The following PHKA1 variants were observed in gnomAD, a reference collection of about 807,000 sequenced individuals.
The protein encoded by PHKA1 is phosphorylase kinase regulatory subunit alpha 1.
In PHKA1, 60 loss-of-function variants were observed where a neutral mutation model predicts 110.2. That is an observed-to-expected ratio of 0.54 (90% CI 0.44 to 0.68). The LOEUF (loss-of-function observed/expected upper bound fraction) is 0.68. Among genes scored for constraint, PHKA1 ranks in the 30% least tolerant of loss-of-function variants. The pLI is 0.00. For missense variants in PHKA1, 801 were observed against 942.5 expected (o/e 0.85, Z 1.97); for synonymous variants, 316 against 333.6 (o/e 0.95, Z 0.58).
At chrX:72,648,696 A>G (rs1301364358) in intron 13 of PHKA1, among the ~76,000 whole-genome samples, 1 of 111,337 alleles carries the variant, frequency 9.0e-6, no homozygotes, top group East Asian at 2.8e-4. Flanking sequence ...TGACTGGGAG[A>G]TTTAGATGAA....
At chrX:72,668,067 C>A (rs1316404810) in intron 6 of PHKA1, among the ~76,000 whole-genome samples, 3 of 111,880 alleles carry the variant, frequency 2.7e-5, no homozygotes, top group African/African-American at 6.5e-5. Flanking sequence ...ATACTATTAT[C>A]TCATATGGCT....
In PHKA1 at chrX:72,619,284, G is replaced by A. The variant is rs1556273992; in HGVS notation, c.2159C>T (p.Thr720Met). 10 of 1,176,938 alleles carry A rather than the reference G, an allele frequency of 8.5e-6. No homozygotes were observed. The highest frequency in any genetic ancestry group is 3.6e-5 in the South Asian group (2 of 55,808). The change falls in exon 20 of 32, where the codon ACG becomes ATG. Residue 720 changes from threonine (T) to methionine (M), a missense_variant. Thr to Met is a moderately conservative substitution (Grantham distance 81, BLOSUM62 -1). This residue lies in a region of PHKA1 where 502 missense variants were observed against 519.2 expected (regional missense o/e 0.97). Transcript: ENST00000373542. ...AGGCCGGGAAGCCTGAAATAACTTC[G>A]TAGGAAGATACATGTGAACATCTGC... Reference protein sequence around the residue: ...HVQNVHMYLPTKLFQASRPSF... With the variant: ...HVQNVHMYLPMKLFQASRPSF...
chrX:72,592,461 T>C (rs1021624338), intron 29 of PHKA1, among the ~76,000 whole-genome samples: 3 of 112,800 alleles, frequency 2.7e-5, no homozygotes, highest in African/African-American at 9.7e-5. Context: ...ATAGTGTTCT[T>C]GGCCCTCTAA....
At chrX:72,598,509 CA>C (rs1556237416) in intron 28 of PHKA1, among the ~76,000 whole-genome samples, 2 of 111,231 alleles carry the variant, frequency 1.8e-5, no homozygotes, top group African/African-American at 6.5e-5. Context: ...GATATATATC[CA>C]AGAGAAGTGA....
chrX:72,710,697 A>C (rs2054359126), intron 2 of PHKA1, among the ~76,000 whole-genome samples: 1 of 111,371 alleles, frequency 9.0e-6, no homozygotes, highest in South Asian at 3.8e-4. Context: ...CCTAATTACT[A>C]TTAAGGTGGT....
chrX:72,672,954 T>C (rs1396071642), intron 6 of PHKA1, among the ~76,000 whole-genome samples: 1 of 112,074 alleles, frequency 8.9e-6, no homozygotes, highest in African/African-American at 3.2e-5. Flanking sequence ...AACTGGCCTA[T>C]GCTCTTCAAA....
Position 72,713,714 on chromosome X carries a change from G to A in PHKA1, c.78+89C>T, listed in dbSNP as rs189982817. ...CACACACACACACCCACACACGCAC[G>A]CACGCACGGAGTTCATCCAAGGTCT... is the stretch of plus-strand genomic sequence containing the variant. On this transcript the variant is annotated intron_variant, in intron 1 of 31. Coordinates refer to ENST00000373542, the MANE Select transcript of PHKA1 (RefSeq NM_002637.4). The A allele has an allele frequency of 2.5e-3, 1,545 of 614,980 alleles. 27 individuals are homozygous for A. The African/African-American group carries it at 0.031, about 12-fold the overall frequency. 50.7% of individuals were successfully genotyped at this position (614,980 alleles called of 1,213,427 possible).
Position 72,684,556 on chromosome X carries a change from T to G in PHKA1, c.479A>C (p.Asp160Ala). ...ASGLHIIHSLDEVNFIQNLVF... is the reference protein window; with the variant it reads ...ASGLHIIHSLAEVNFIQNLVF... ...AAGGTTCTGTATGAAATTGACTTCA[T>G]CTAGGCTGTGGATGATATGGAGTCC... Residue 160 changes from aspartate to alanine, a missense_variant, in exon 5 of 32, where the codon GAT (aspartate) becomes GCT (alanine). Coordinates refer to ENST00000373542, the MANE Select transcript of PHKA1 (RefSeq NM_002637.4). 1.7e-6 allele frequency: 2 copies of G among 1,177,028 alleles called. No homozygotes were observed. The highest frequency in any genetic ancestry group is 2.3e-6 in the Non-Finnish European group (2 of 864,204).
chrX:72,644,581 T>G lies in PHKA1; in HGVS notation c.1325-85A>C, dbSNP rs1212072224. ...ATCTCTCAAGTTATATAATTTCTTT[T>G]AAAGAGAAAAAAAGGAAATGGGAGG... On this transcript the variant is annotated intron_variant, in intron 13 of 31. Transcript: ENST00000373542. 3.3e-6 allele frequency: 3 copies of G among 899,940 alleles called. No homozygotes were observed. In the Admixed American group the frequency reaches 7.9e-5, roughly 24 times the overall value. The allele number at this position is 899,940 out of a possible 1,213,427, so 74.2% of individuals were successfully genotyped here. A position where few individuals can be genotyped will look rare whatever the true frequency, so the allele number is the denominator to read the frequency against.
chrX:72,695,919 T>C, intron 3 of PHKA1, 43 bp from the exon 4 acceptor site: 1 of 1,046,724 alleles, frequency 9.6e-7, no homozygotes. Flanking sequence ...TACTGAAAAA[T>C]CAACCCATAT....
In PHKA1 at chrX:72,652,033, T is replaced by A. The variant is rs782324228; in HGVS notation, c.1245+511A>T. 2.7e-5 allele frequency among the ~76,000 whole-genome samples: 3 copies of A among 111,130 alleles called. No individual in the cohort carries two copies. The East Asian group carries it at 8.5e-4, about 31-fold the overall frequency. ...TAAGGGCAATCTCAACAGAATCTGA[T>A]ATAAGGAACATTTAGAGAGACCCTT... On this transcript the variant is annotated intron_variant, in intron 12 of 31. Transcript: ENST00000373542.
At chrX:72,615,732 AGGAAGGAAAGAAGGAGGGGG>A (rs2052884616) in intron 21 of PHKA1, among the ~76,000 whole-genome samples, 1 of 82,404 alleles carries the variant, frequency 1.2e-5, no homozygotes, top group Non-Finnish European at 2.4e-5. Flanking sequence ...GAAGGAAGGA[AGGAAGGAAAGAAGGAGGGGG>A]GGAAGGAAGG....
intron 13 of PHKA1, among the ~76,000 whole-genome samples, chrX:72,647,895 G>A (rs1180040243): frequency 8.9e-6 from 1 of 111,822 alleles, no homozygotes; most frequent in Non-Finnish European, 1.9e-5. Context: ...AATCTAGGTT[G>A]AAGGAAATTC....
chrX:72,624,718 G>A (rs186213876), intron 17 of PHKA1, among the ~76,000 whole-genome samples: 1 of 111,092 alleles, frequency 9.0e-6, no homozygotes, highest in Admixed American at 9.6e-5. Flanking sequence ...TCCATCTTGT[G>A]CCTCTCCTAA....
chrX:72,641,605 T>TA (rs1556295239), intron 14 of PHKA1, among the ~76,000 whole-genome samples: 1 of 111,332 alleles, frequency 9.0e-6, no homozygotes, highest in Non-Finnish European at 1.9e-5. Flanking sequence ...TCTCATAATT[T>TA]AAAAAAATAA....
intron 10 of PHKA1, among the ~76,000 whole-genome samples, chrX:72,655,471 G>A: frequency 1.8e-5 from 2 of 112,002 alleles, no homozygotes; most frequent in Admixed American, 1.9e-4. Context: ...CTGACTGTAC[G>A]TTGCATTTAC....
At chrX:72,704,764 T>C (rs782143682) in intron 3 of PHKA1, among the ~76,000 whole-genome samples, 2 of 111,496 alleles carry the variant, frequency 1.8e-5, no homozygotes, top group South Asian at 7.6e-4. Context: ...CTAATTTTTA[T>C]ATTTTTTGTA....
At chrX:72,691,190 G>A (rs2054034957) in intron 4 of PHKA1, among the ~76,000 whole-genome samples, 1 of 112,645 alleles carries the variant, frequency 8.9e-6, no homozygotes, top group Non-Finnish European at 1.9e-5. Flanking sequence ...AATTATCTTG[G>A]CACCTTTGTC....
At chrX:72,586,881 AAAAAAGGGT>A (rs1216416640) in intron 29 of PHKA1, among the ~76,000 whole-genome samples, 10 of 110,405 alleles carry the variant, frequency 9.1e-5, no homozygotes, top group Non-Finnish European at 1.9e-5. Flanking sequence ...AAGTGTAGAC[AAAAAAGGGT>A]AAAAAGAAAC....
Sources: allele counts gnomAD v4.1 joint callset (sites outside exome capture counted in the v4.1 genomes callset), GRCh38; gene constraint gnomAD v4.1.1; regional missense constraint gnomAD v4.1.1; transcripts MANE v1.5; gene names NCBI Gene and HGNC (gene_info 2026-07-23, HGNC 2026-07-21).